Variants in RAPGEF5 observed in about 807,000 individuals in gnomAD.
RAPGEF5 encodes the protein M-Ras-regulated GEF.
RAPGEF5 carries 65 observed loss-of-function variants against 125.2 expected under a neutral mutation model. The ratio of observed to expected loss-of-function variants is 0.52; its 90% CI spans 0.43 to 0.64. The LOEUF is 0.64. RAPGEF5 is among the 30% of genes least tolerant of loss of function. The pLI, the probability that RAPGEF5 is intolerant of heterozygous loss-of-function variation, is 0.00. For synonymous variants in RAPGEF5, 391 were observed against 385.9 expected (o/e 1.01, Z -0.16); for missense variants, 958 against 1,048.1 (o/e 0.91, Z 1.19).
At chr7:22,196,937 G>A (rs1417080349) in intron 9 of RAPGEF5, among the ~76,000 whole-genome samples, 1 of 152,134 alleles carries the variant, frequency 6.6e-6, no homozygotes, top group Non-Finnish European at 1.5e-5. Flanking sequence ...CAGTAAAGAG[G>A]CAGAACTATG....
intron 7 of RAPGEF5, among the ~76,000 whole-genome samples, chr7:22,242,266 C>A (rs1158897332): frequency 6.6e-6 from 1 of 152,214 alleles, no homozygotes. Context: ...TCAGCAGAGT[C>A]ACAGCAAGTC....
At position 22,119,663 on chromosome 7, in the gene RAPGEF5, C is replaced by T. The variant is rs571729777; in HGVS notation, c.*2743G>A. On this transcript the variant is annotated 3_prime_UTR_variant, in exon 26 of 26. Coordinates refer to ENST00000665637, the MANE Select transcript of RAPGEF5 (RefSeq NM_012294.5). This position sits in a 1 kb window ranked among gnomAD's most constrained non-coding sequence, Gnocchi z 4.1. The stretch of plus-strand genomic sequence containing the variant: ...AGAGTTGTGCTGTAACAAAAAGAGC[C>T]CACTTAGAAGTGCCCCTGCACCACC... 6.6e-6 allele frequency: 1 copy of T among 152,268 alleles called. No homozygotes were observed. The highest frequency in any genetic ancestry group is 2.1e-4 in the South Asian group (1 of 4,812). 9.4% of individuals were successfully genotyped at this position (152,268 alleles called of 1,614,324 possible).
chr7:22,197,951 A>G (rs1583474334), intron 9 of RAPGEF5, among the ~76,000 whole-genome samples: 1 of 147,300 alleles, frequency 6.8e-6, no homozygotes, highest in Admixed American at 6.8e-5. Context: ...GTGCAGGAGC[A>G]CAATCTCCAC....
chr7:22,249,453 G>A (rs1420812641), intron 7 of RAPGEF5, among the ~76,000 whole-genome samples: 1 of 152,064 alleles, frequency 6.6e-6, no homozygotes, highest in African/African-American at 2.4e-5. Flanking sequence ...GCTTCCCAAA[G>A]TGCTGGGATT....
At chr7:22,247,881 C>G (rs1786518997) in intron 7 of RAPGEF5, among the ~76,000 whole-genome samples, 1 of 152,068 alleles carries the variant, frequency 6.6e-6, no homozygotes, top group African/African-American at 2.4e-5. Context: ...GAACAGAAAA[C>G]CAAATACTGC....
intron 18 of RAPGEF5, among the ~76,000 whole-genome samples, chr7:22,149,603 A>G (rs1783554500): frequency 6.6e-6 from 1 of 152,216 alleles, no homozygotes; most frequent in Non-Finnish European, 1.5e-5. Context: ...TGTGGGTTCT[A>G]CATTTCTCCA....
rs56081120 is a variant in RAPGEF5 at position 22,349,092 on chromosome 7, GAAA to G, written c.231+7735_231+7737del. 5.8e-3 allele frequency among the ~76,000 whole-genome samples: 695 copies of G among 120,524 alleles called. 3 individuals are homozygous for G. The highest frequency in any genetic ancestry group is 0.016 in the African/African-American group (480 of 30,776). The allele number at this position is 120,524 out of a possible 152,430, so 79.1% of individuals were successfully genotyped here. A position where few individuals can be genotyped will look rare whatever the true frequency, so the allele number is the denominator to read the frequency against. On this transcript the variant is annotated intron_variant, in intron 1 of 25. Transcript: ENST00000665637. ...TGAAAGAGCAAGACTCTGCCTAAAA[GAAA>G]AAAAAAAAAAAAAGCAATAAGACCC...
chr7:22,136,872 A>G (rs1406424070), intron 22 of RAPGEF5, 61 bp downstream of exon 22: 2 of 1,392,050 alleles, frequency 1.4e-6, no homozygotes, highest in Non-Finnish European at 2.0e-6. Context: ...TATAATGTAG[A>G]AAGAAACTAG....
At chr7:22,340,599 A>T (rs1468891865) in intron 1 of RAPGEF5, among the ~76,000 whole-genome samples, 1 of 152,208 alleles carries the variant, frequency 6.6e-6, no homozygotes, top group Non-Finnish European at 1.5e-5. Context: ...AGCCTGGAAA[A>T]GGGATTCCTG....
intron 7 of RAPGEF5, among the ~76,000 whole-genome samples, chr7:22,243,537 T>C (rs769707008): frequency 3.3e-5 from 5 of 152,164 alleles, no homozygotes; most frequent in Admixed American, 6.5e-5. Flanking sequence ...ATTACAGGCA[T>C]GAGCCACTGT....
At chr7:22,204,975 A>G (rs1245207295) in intron 9 of RAPGEF5, among the ~76,000 whole-genome samples, 1 of 152,210 alleles carries the variant, frequency 6.6e-6, no homozygotes, top group South Asian at 2.1e-4. Flanking sequence ...AAGGGAGGGA[A>G]TAGGTGTGGA....
chr7:22,355,898 G>T, intron 1 of RAPGEF5: 1 of 935,366 alleles, frequency 1.1e-6, no homozygotes, highest in Non-Finnish European at 1.3e-6. Context: ...ACAGCCAAAC[G>T]GGAAAGAAAA....
At chr7:22,192,846 T>A (rs1352160248) in intron 11 of RAPGEF5, 1 of 161,624 alleles carries the variant, frequency 6.2e-6, no homozygotes, top group Non-Finnish European at 1.4e-5. Flanking sequence ...GTGAGTATCA[T>A]AGTCTGCACC....
At chr7:22,241,615 T>C (rs1177022106) in intron 7 of RAPGEF5, among the ~76,000 whole-genome samples, 1 of 152,176 alleles carries the variant, frequency 6.6e-6, no homozygotes, top group Non-Finnish European at 1.5e-5. Flanking sequence ...AAACGGGAGA[T>C]GATAAAAACC....
intron 24 of RAPGEF5, among the ~76,000 whole-genome samples, chr7:22,127,655 GAATT>G (rs1337687903): frequency 6.6e-6 from 1 of 152,110 alleles, no homozygotes; most frequent in Non-Finnish European, 1.5e-5. Context: ...TATTATTCAA[GAATT>G]AATATCATTC....
At chr7:22,273,211 ATT>A (rs71026869) in intron 6 of RAPGEF5, among the ~76,000 whole-genome samples, 429 of 96,548 alleles carry the variant, frequency 4.4e-3, no homozygotes, top group African/African-American at 0.015. Context: ...ACTTAGGAGT[ATT>A]TTTTTTTTTT....
chr7:22,341,401 T>C (rs910751751), intron 1 of RAPGEF5, among the ~76,000 whole-genome samples: 12 of 152,124 alleles, frequency 7.9e-5, no homozygotes, highest in Non-Finnish European at 1.5e-4. Flanking sequence ...AGCCAAACCA[T>C]ATCATTCCAC....
intron 9 of RAPGEF5, among the ~76,000 whole-genome samples, chr7:22,198,031 A>G (rs1462721630): frequency 6.6e-6 from 1 of 151,964 alleles, no homozygotes; most frequent in African/African-American, 2.4e-5. Context: ...CTGGGACTAC[A>G]GGCACACACC....
At position 22,276,406 on chromosome 7, in the gene RAPGEF5, C is replaced by T. The variant is rs145920009; in HGVS notation, c.748-9394G>A. 1.5e-4 allele frequency among the ~76,000 whole-genome samples: 23 copies of T among 152,218 alleles called. No homozygotes were observed. The East Asian group carries it at 3.7e-3, about 24-fold the overall frequency. On this transcript the variant is annotated intron_variant, in intron 6 of 25. Coordinates refer to ENST00000665637, the MANE Select transcript of RAPGEF5 (RefSeq NM_012294.5). Reference sequence around the variant, plus strand: ...TCCATACATATCTTTTCTCAATCATCGTGCCCTTTGGAGGTAAGATTATAA... The same window carrying T: ...TCCATACATATCTTTTCTCAATCATTGTGCCCTTTGGAGGTAAGATTATAA...
Sources: gnomAD v4.1 joint callset for allele counts (sites outside exome capture counted in the v4.1 genomes callset) on GRCh38, gnomAD v4.1.1 for gene constraint, Gnocchi (gnomAD v3.1) non-coding constraint, MANE v1.5 for transcripts, NCBI Gene and HGNC (gene_info 2026-07-23, HGNC 2026-07-21) for gene names.